The following IQCB1 variants were observed in gnomAD, a reference collection of about 807,000 sequenced individuals.
The protein encoded by IQCB1 is IQ motif containing B1.
IQCB1 carries 56 observed loss-of-function variants against 84.4 expected under a neutral mutation model. That is an observed-to-expected ratio of 0.66 (90% CI 0.54 to 0.83). The LOEUF is 0.83. Among genes scored for constraint, IQCB1 ranks in the 40% least tolerant of loss-of-function variants. The pLI is 0.00. For missense variants in IQCB1, 629 were observed against 682.1 expected (o/e 0.92, Z 0.87); for synonymous variants, 210 against 234.8 (o/e 0.89, Z 0.96).
chr3:121,788,516 C>A, intron 11 of IQCB1, 84 bp from the exon 12 acceptor site: 1 of 1,244,380 alleles, frequency 8.0e-7, no homozygotes. Flanking sequence ...TAATAATAAT[C>A]TTGCATTCTT....
chr3:121,776,589 A>C (rs1317907995), intron 13 of IQCB1, among the ~76,000 whole-genome samples: 1 of 152,188 alleles, frequency 6.6e-6, no homozygotes, highest in East Asian at 1.9e-4. Flanking sequence ...TTATTAAAAA[A>C]ATTAGAGAGA....
intron 5 of IQCB1, among the ~76,000 whole-genome samples, chr3:121,812,280 G>A (rs895230478): frequency 6.6e-5 from 10 of 152,096 alleles, no homozygotes; most frequent in African/African-American, 1.4e-4. Flanking sequence ...CATCAGCATC[G>A]AAGATCAAAG....
rs750962965 is a variant in IQCB1, at chr3:121,808,977, GAA to G, written c.424_425del (p.Phe142ProfsTer5). The G allele has an allele frequency of 1.9e-4, 298 of 1,608,742 alleles. No individual in the cohort carries two copies. The highest frequency in any genetic ancestry group is 2.4e-4 in the Non-Finnish European group (285 of 1,176,252). On this transcript the variant is annotated frameshift_variant, in exon 6 of 15. Transcript: ENST00000310864. LOFTEE classifies it high-confidence loss of function. ...AEEKDELLHF[F>X]QIVTDSLFWL... The stretch of plus-strand genomic sequence containing the variant: ...AGAAGAGAGAATCAGTCACAATTTG[GAA>G]AAAGTGTAGTAATTCATCTTTTTCT...
At chr3:121,812,022 G>C (rs548215942) in intron 5 of IQCB1, among the ~76,000 whole-genome samples, 1 of 152,298 alleles carries the variant, frequency 6.6e-6, no homozygotes, top group African/African-American at 2.4e-5. Context: ...CCAAACAGGA[G>C]AGCTCTGGCA....
At chr3:121,809,086 T>C in intron 5 of IQCB1, 77 bp from the exon 6 acceptor site, 1 of 803,182 alleles carries the variant, frequency 1.2e-6, no homozygotes, top group Non-Finnish European at 2.1e-6. Context: ...GACTTCTCTC[T>C]GGGGAGTTAG....
At chr3:121,828,778 T>C in intron 3 of IQCB1, 83 bp downstream of exon 3, 1 of 1,075,946 alleles carries the variant, frequency 9.3e-7, no homozygotes, top group Admixed American at 1.8e-5. Flanking sequence ...TCTGAACAAA[T>C]TTAAAAGAAA....
At chr3:121,811,865 C>T (rs1162888104) in intron 5 of IQCB1, among the ~76,000 whole-genome samples, 1 of 152,214 alleles carries the variant, frequency 6.6e-6, no homozygotes, top group Admixed American at 6.5e-5. Context: ...TTAAATGTTC[C>T]TGCCTGCCAG....
At chr3:121,771,582 C>T (rs1330295112) in intron 14 of IQCB1, among the ~76,000 whole-genome samples, 1 of 152,096 alleles carries the variant, frequency 6.6e-6, no homozygotes, top group African/African-American at 2.4e-5. Context: ...CCACTTCGGC[C>T]TCCCAAAGTG....
chr3:121,801,810 C>CTTTTTTTTTT (rs5852277), intron 7 of IQCB1, among the ~76,000 whole-genome samples: 2 of 89,918 alleles, frequency 2.2e-5, no homozygotes, highest in Non-Finnish European at 4.1e-5. Flanking sequence ...GCTGCAAGGC[C>CTTTTTTTTTT]TTTTTTTTTT....
intron 13 of IQCB1, among the ~76,000 whole-genome samples, chr3:121,774,993 G>T (rs898506229): frequency 3.3e-5 from 5 of 152,116 alleles, no homozygotes; most frequent in Non-Finnish European, 7.4e-5. Flanking sequence ...ATTTCTTGGG[G>T]TGTGTGGGGC....
At chr3:121,803,098 A>G (rs1949472959) in intron 7 of IQCB1, among the ~76,000 whole-genome samples, 1 of 152,004 alleles carries the variant, frequency 6.6e-6, no homozygotes, top group African/African-American at 2.4e-5. Context: ...TCTGTTGCCT[A>G]GGCTGGAGTG....
chr3:121,832,584 C>T (rs973880787), intron 2 of IQCB1, among the ~76,000 whole-genome samples: 3 of 152,196 alleles, frequency 2.0e-5, no homozygotes, highest in Non-Finnish European at 4.4e-5. Context: ...ACTTCGGCCT[C>T]CCAAAGTGCT....
rs1949314872 is a variant in IQCB1 at position 121,799,245 on chromosome 3, T to C, written c.717A>G (p.Glu239=). 2 of 1,610,472 alleles carry C rather than the reference T, an allele frequency of 1.2e-6. No individual in the cohort carries two copies. Among genetic ancestry groups the C allele is most frequent in the Non-Finnish European group, 1.7e-6 (2 of 1,177,556 alleles). The change falls in exon 8 of 15, where the codon GAA becomes GAG. Residue 239 remains glutamate (E), a synonymous_variant. Coordinates refer to ENST00000310864, the MANE Select transcript of IQCB1 (RefSeq NM_001023570.4). ...TATKLLLLMA[E]SHQEILILLR... Reference sequence around the variant, plus strand: ...GTAAAATCAAAATTTCCTGATGGGATTCAGCCATCAACAGTAGGAGTTTTG... The same window carrying C: ...GTAAAATCAAAATTTCCTGATGGGACTCAGCCATCAACAGTAGGAGTTTTG...
At chr3:121,773,475 T>C (rs1442103296) in intron 13 of IQCB1, among the ~76,000 whole-genome samples, 1 of 152,188 alleles carries the variant, frequency 6.6e-6, no homozygotes, top group Non-Finnish European at 1.5e-5. Flanking sequence ...GACAAAATCA[T>C]CCAAAGGACC....
intron 8 of IQCB1, among the ~76,000 whole-genome samples, chr3:121,798,064 T>C (rs1046251618): frequency 1.3e-5 from 2 of 151,932 alleles, no homozygotes; most frequent in Admixed American, 1.3e-4. Flanking sequence ...GGGAGAAGGA[T>C]TCAGGTAAAA....
Position 121,835,032 on chromosome 3 carries a change from G to A in IQCB1, c.-168C>T, listed in dbSNP as rs1256896148. The A allele has an allele frequency of 5.3e-6, 3 of 566,370 alleles. No homozygotes were observed. Among genetic ancestry groups the A allele is most frequent in the Non-Finnish European group, 9.5e-6 (3 of 315,298 alleles). The allele number at this position is 566,370 out of a possible 1,614,324, so 35.1% of individuals were successfully genotyped here. On this transcript the variant is annotated 5_prime_UTR_variant, in exon 1 of 15. Coordinates refer to ENST00000310864, the MANE Select transcript of IQCB1 (RefSeq NM_001023570.4). Reference sequence around the variant, plus strand: ...TCCCACGCCGCACTACAGCGCCGCGGCCTTCCGGGGCAGCGTGCGTCGCGA... The same window carrying A: ...TCCCACGCCGCACTACAGCGCCGCGACCTTCCGGGGCAGCGTGCGTCGCGA...
intron 14 of IQCB1, 89 bp downstream of exon 14, chr3:121,772,468 T>C (rs1948037935): frequency 1.5e-6 from 2 of 1,300,500 alleles, no homozygotes; most frequent in Non-Finnish European, 1.1e-6. Flanking sequence ...TAAAGATGCT[T>C]AGTAATGGTT....
At chr3:121,817,425 TA>T (rs11420801) in intron 5 of IQCB1, among the ~76,000 whole-genome samples, 5 of 146,702 alleles carry the variant, frequency 3.4e-5, no homozygotes, top group East Asian at 2.0e-4. Context: ...GAAAGTATAA[TA>T]AAAAAAAAAG....
chr3:121,814,031 C>T (rs1949947865), intron 5 of IQCB1, among the ~76,000 whole-genome samples: 1 of 152,186 alleles, frequency 6.6e-6, no homozygotes, highest in Non-Finnish European at 1.5e-5. Context: ...AAGTAAAACA[C>T]TCCTCAGCAA....
Sources: allele counts gnomAD v4.1 joint callset (sites outside exome capture counted in the v4.1 genomes callset), GRCh38; gene constraint gnomAD v4.1.1; transcripts MANE v1.5; gene names NCBI Gene and HGNC (gene_info 2026-07-23, HGNC 2026-07-21).